AIG1: variants seen among roughly 807,000 people sequenced by gnomAD.
AIG1 encodes the protein androgen induced 1, also known as androgen-induced gene 1 protein.
AIG1 carries 23 observed loss-of-function variants against 31.4 expected under a neutral mutation model. The observed-to-expected ratio is 0.73, with a 90% CI of 0.53 to 1.04. The LOEUF is 1.04. Ranked by LOEUF, AIG1 falls within the 50% of genes least tolerant of loss-of-function variation. The pLI, the probability that AIG1 is intolerant of heterozygous loss-of-function variation, is 0.00. For synonymous variants in AIG1, 100 were observed against 110.5 expected, an observed-to-expected ratio of 0.90 and a Z score of 0.60; for missense variants, 274 against 295.0, an observed-to-expected ratio of 0.93 and a Z score of 0.52.
intron 3 of AIG1, among the ~76,000 whole-genome samples, chr6:143,213,508 C>CTTTTTTTTTTTTTTT (rs746350692): frequency 4.9e-5 from 3 of 61,200 alleles, no homozygotes; most frequent in African/African-American, 1.2e-4. Context: ...TTTCTTTCTT[C>CTTTTTTTTTTTTTTT]TTTTTTTTTT....
chr6:143,160,359 C>G (rs1250837034), intron 2 of AIG1, among the ~76,000 whole-genome samples: 8 of 152,212 alleles, frequency 5.3e-5, no homozygotes, highest in Non-Finnish European at 8.8e-5. Flanking sequence ...GTGAGAGACT[C>G]CTTTCAAAAA....
chr6:143,270,440 A>C (rs998303567), intron 3 of AIG1, among the ~76,000 whole-genome samples: 3 of 152,184 alleles, frequency 2.0e-5, no homozygotes, highest in Non-Finnish European at 2.9e-5. Context: ...CTTCCCACCC[A>C]CGCTTCTATA....
chr6:143,337,846 C>A, intron 5 of AIG1: 1 of 396,784 alleles, frequency 2.5e-6, no homozygotes, highest in Non-Finnish European at 4.4e-6. Flanking sequence ...CAGTCTTGTC[C>A]CCTCTGGTCC....
At chr6:143,107,944 G>C (rs1780947828) in intron 1 of AIG1, among the ~76,000 whole-genome samples, 1 of 152,136 alleles carries the variant, frequency 6.6e-6, no homozygotes, top group African/African-American at 2.4e-5. Context: ...CAGACAGCAT[G>C]ATTTTACATA....
At position 143,154,509 on chromosome 6, in the gene AIG1, A is replaced by G. The variant is rs182904103; in HGVS notation, c.298-10573A>G. Among the ~76,000 whole-genome samples, 169 of 152,200 alleles carry G rather than the reference A, an allele frequency of 1.1e-3. 2 individuals carry two copies. Among genetic ancestry groups the G allele is most frequent in the African/African-American group, 4.0e-3 (166 of 41,522 alleles). Reference sequence around the variant, plus strand: ...GGGCGATAGAGTGAGACTCTGTGTAAAAAGAAAGAAAGAAAGAAAAAAAAA... The same window carrying G: ...GGGCGATAGAGTGAGACTCTGTGTAGAAAGAAAGAAAGAAAGAAAAAAAAA... On this transcript the variant is annotated intron_variant, in intron 2 of 5. Coordinates refer to ENST00000357847, the MANE Select transcript of AIG1 (RefSeq NM_016108.4).
chr6:143,275,700 A>G (rs1393951675), intron 3 of AIG1, among the ~76,000 whole-genome samples: 1 of 152,132 alleles, frequency 6.6e-6, no homozygotes, highest in Non-Finnish European at 1.5e-5. Flanking sequence ...ATGATATGAG[A>G]TCTTTCCTTG....
At chr6:143,173,707 T>G (rs947648448) in intron 3 of AIG1, among the ~76,000 whole-genome samples, 1 of 152,214 alleles carries the variant, frequency 6.6e-6, no homozygotes, top group African/African-American at 2.4e-5. Flanking sequence ...AGGGTTCCTT[T>G]TGGAGTTGAT....
chr6:143,286,719 T>C (rs1295119294), intron 4 of AIG1, among the ~76,000 whole-genome samples: 2 of 152,062 alleles, frequency 1.3e-5, no homozygotes, highest in Admixed American at 1.3e-4. Context: ...CACATGTAAA[T>C]TATAAAAGAA....
At chr6:143,188,252 A>G (rs2128593603) in intron 3 of AIG1, 1 of 987,912 alleles carries the variant, frequency 1.0e-6, no homozygotes, top group Non-Finnish European at 1.2e-6. Context: ...CAGTAGGCAC[A>G]CTCATAGAGT....
At chr6:143,139,745 A>T (rs1784095665) in intron 2 of AIG1, among the ~76,000 whole-genome samples, 1 of 151,962 alleles carries the variant, frequency 6.6e-6, no homozygotes, top group African/African-American at 2.4e-5. Flanking sequence ...TTCTCTAGAA[A>T]TCATCATATG....
At chr6:143,115,633 G>T (rs943124516) in intron 1 of AIG1, among the ~76,000 whole-genome samples, 9 of 152,112 alleles carry the variant, frequency 5.9e-5, no homozygotes, top group African/African-American at 2.2e-4. Flanking sequence ...TTTGCAAAAC[G>T]GTGATATCAT....
chr6:143,148,462 T>C (rs9484706), intron 2 of AIG1, among the ~76,000 whole-genome samples: 4,081 of 151,858 alleles, frequency 0.027, 136 homozygotes, highest in African/African-American at 0.076. Flanking sequence ...TGAGCTGAGA[T>C]GGTGCCACTG....
chr6:143,149,601 G>A (rs1267898387), intron 2 of AIG1, among the ~76,000 whole-genome samples: 3 of 149,834 alleles, frequency 2.0e-5, no homozygotes, highest in Non-Finnish European at 4.4e-5. Context: ...AAAAATAACT[G>A]CTTTATCTTT....
At chr6:143,128,829 A>G (rs1782932285) in intron 1 of AIG1, among the ~76,000 whole-genome samples, 1 of 152,212 alleles carries the variant, frequency 6.6e-6, no homozygotes, top group Admixed American at 6.5e-5. Context: ...GTATTGGCAA[A>G]CTGCTTCTTA....
At chr6:143,082,458 C>T (rs749864245) in intron 1 of AIG1, among the ~76,000 whole-genome samples, 18 of 152,258 alleles carry the variant, frequency 1.2e-4, no homozygotes, top group Non-Finnish European at 2.1e-4. Flanking sequence ...TTAAGAGTTG[C>T]GCAAGTGTGC....
At chr6:143,215,172 C>T (rs1235257168) in intron 3 of AIG1, among the ~76,000 whole-genome samples, 1 of 152,034 alleles carries the variant, frequency 6.6e-6, no homozygotes, top group Non-Finnish European at 1.5e-5. Context: ...AATATGCACA[C>T]CAACTGATTA....
At position 143,299,038 on chromosome 6, in the gene AIG1, C is replaced by T. The variant is rs1353581932; in HGVS notation, c.515+14813C>T. 6.6e-6 allele frequency: 1 copy of T among 152,128 alleles called. No homozygotes were observed. The highest frequency in any genetic ancestry group is 1.5e-5 in the Non-Finnish European group (1 of 68,054). 9.4% of individuals were successfully genotyped at this position (152,128 alleles called of 1,614,324 possible). ...TATAAGCATCACATCTCATGGGTGA[C>T]ATGGAAGTGCTATCTTGAGTGCCAC... On this transcript the variant is annotated intron_variant, in intron 4 of 5. Coordinates refer to ENST00000357847, the MANE Select transcript of AIG1 (RefSeq NM_016108.4). The surrounding 1 kb of genome is among the most constrained non-coding windows in gnomAD (Gnocchi z 4.1).
intron 1 of AIG1, among the ~76,000 whole-genome samples, chr6:143,077,989 TTGA>T (rs1211578183): frequency 6.6e-6 from 1 of 152,210 alleles, no homozygotes; most frequent in African/African-American, 2.4e-5. Context: ...CAGGACTCCA[TTGA>T]TATGCATGTC....
rs1777822155 is a variant in AIG1, at chr6:143,340,662, C to T, written c.*986C>T. Among the ~76,000 whole-genome samples, 1 of 152,020 alleles carries T rather than the reference C, an allele frequency of 6.6e-6. No homozygotes were observed. The highest frequency in any genetic ancestry group is 2.4e-5 in the African/African-American group (1 of 41,388). ...TATTTTTAGTAGAGACGGGGTTTCA[C>T]CTTGTTAGCCAGGATGGTCTCGATC... On this transcript the variant is annotated 3_prime_UTR_variant, in exon 6 of 6. Coordinates refer to ENST00000357847, the MANE Select transcript of AIG1 (RefSeq NM_016108.4).
Sources: gnomAD v4.1 joint callset for allele counts (sites outside exome capture counted in the v4.1 genomes callset) on GRCh38, gnomAD v4.1.1 for gene constraint, Gnocchi (gnomAD v3.1) non-coding constraint, MANE v1.5 for transcripts, NCBI Gene and HGNC (gene_info 2026-07-23, HGNC 2026-07-21) for gene names.